Variants in ABLIM2 observed in about 807,000 individuals in gnomAD.
ABLIM2 encodes actin binding LIM protein family member 2.
In ABLIM2, 53 loss-of-function variants were observed where a neutral mutation model predicts 97.7. That is an observed-to-expected ratio of 0.54 (90% CI 0.44 to 0.68). The LOEUF is 0.68. Ranked by LOEUF, ABLIM2 falls within the 30% of genes least tolerant of loss-of-function variation. The pLI, the probability that ABLIM2 is intolerant of heterozygous loss-of-function variation, is 0.00. For missense variants in ABLIM2, 835 were observed against 867.2 expected (o/e 0.96, Z 0.47); for synonymous variants, 361 against 345.8 (o/e 1.04, Z -0.49).
chr4:8,025,212 G>A (rs1386103693), intron 12 of ABLIM2, among the ~76,000 whole-genome samples: 1 of 152,238 alleles, frequency 6.6e-6, no homozygotes, highest in Non-Finnish European at 1.5e-5. Context: ...ACAGGGGTGA[G>A]CCACCACGCC....
At chr4:8,029,601 AAAAAAGG>A (rs1227360798) in intron 11 of ABLIM2, 48 bp downstream of exon 11, 1 of 1,327,136 alleles carries the variant, frequency 7.5e-7, no homozygotes, top group African/African-American at 1.5e-5. Flanking sequence ...AAAAAAAAAA[AAAAAAGG>A]AAAAGGACAG....
intron 14 of ABLIM2, among the ~76,000 whole-genome samples, chr4:8,013,103 T>C (rs1398204113): frequency 6.6e-6 from 1 of 152,042 alleles, no homozygotes; most frequent in African/African-American, 2.4e-5. Flanking sequence ...AGAACTTTGA[T>C]GGGAGGAGCA....
intron 16 of ABLIM2, among the ~76,000 whole-genome samples, chr4:7,997,626 T>G (rs1487913206): frequency 1.3e-5 from 2 of 152,292 alleles, no homozygotes; most frequent in East Asian, 3.9e-4. Flanking sequence ...TTGGTGAGGC[T>G]TCCTTTTCAG....
Position 8,046,921 on chromosome 4 carries a change from C to G in ABLIM2, c.823-1680G>C, listed in dbSNP as rs538360123. The stretch of plus-strand genomic sequence containing the variant: ...AGGGAGAAACCACCCCAGCTAACCC[C>G]GTGATCTTGGCCTTTTGGGCTCCAG... On this transcript the variant is annotated intron_variant, in intron 8 of 20. Transcript: ENST00000447017. The surrounding 1 kb of genome is among the most constrained non-coding windows in gnomAD (Gnocchi z 4.4). Among the ~76,000 whole-genome samples, 1 of 152,166 alleles carries G rather than the reference C, an allele frequency of 6.6e-6. No homozygotes were observed. The highest frequency in any genetic ancestry group is 2.4e-5 in the African/African-American group (1 of 41,444).
chr4:8,018,590 A>G (rs983417970), intron 14 of ABLIM2, among the ~76,000 whole-genome samples: 1 of 152,208 alleles, frequency 6.6e-6, no homozygotes, highest in Non-Finnish European at 1.5e-5. Flanking sequence ...TGCACAAAGT[A>G]CAGGACCTAT....
rs149184745 is a variant in ABLIM2 at position 8,130,221 on chromosome 4, G to C, written c.11-23584C>G. Among the ~76,000 whole-genome samples the C allele has an allele frequency of 6.6e-6, 1 of 152,244 alleles. No homozygotes were observed. The highest frequency in any genetic ancestry group is 2.4e-5 in the African/African-American group (1 of 41,472). ...GATGGCTCACAGGGCCAGGGATGGA[G>C]ACGCAGGGTGGCCAGGGTGGTGCTG... On this transcript the variant is annotated intron_variant, in intron 1 of 20. Transcript: ENST00000447017. The surrounding 1 kb of genome is among the most constrained non-coding windows in gnomAD (Gnocchi z 4.2).
In ABLIM2 at chr4:8,038,647, G is replaced by C. The variant is rs536066501; in HGVS notation, c.901-2352C>G. On this transcript the variant is annotated intron_variant, in intron 9 of 20. Coordinates refer to ENST00000447017, the MANE Select transcript of ABLIM2 (RefSeq NM_001130083.2). ...GGGTTCTCCTGAGATGTTGGGTCTT[G>C]GGGTGAACCCTGACATTTGTGATAT... Among the ~76,000 whole-genome samples the C allele has an allele frequency of 3.3e-5, 5 of 152,262 alleles. No individual in the cohort carries two copies. The East Asian group carries it at 7.7e-4, about 24-fold the overall frequency.
intron 2 of ABLIM2, among the ~76,000 whole-genome samples, chr4:8,104,033 G>A (rs1442897780): frequency 6.6e-6 from 1 of 152,250 alleles, no homozygotes; most frequent in Non-Finnish European, 1.5e-5. Context: ...AAGCCCTAAT[G>A]AAAAGCATGA....
chr4:8,106,570 C>T lies in ABLIM2; in HGVS notation c.78G>A (p.Thr26=), dbSNP rs573766574. Residue 26 remains threonine, a synonymous_variant, in exon 2 of 21, where the codon ACG becomes ACA. Transcript: ENST00000447017. ...CCTCGCCCTTGCACACATTCCCACA[C>T]GTGTTGCACAGGATCGCCGTGCTGG... ...KSPSTAILCN[T]CGNVCKGEVL... 253 of 1,610,696 alleles carry T rather than the reference C, an allele frequency of 1.6e-4. 3 individuals are homozygous for T. The South Asian group carries it at 1.9e-3, about 12-fold the overall frequency.
rs946514477 is a variant in ABLIM2, at chr4:7,986,242, C to T, written c.1681-1349G>A. 8.5e-5 allele frequency among the ~76,000 whole-genome samples: 13 copies of T among 152,172 alleles called. No individual in the cohort carries two copies. Among genetic ancestry groups the T allele is most frequent in the Admixed American group, 6.5e-4 (10 of 15,280 alleles). On this transcript the variant is annotated intron_variant, in intron 17 of 20. Coordinates refer to ENST00000447017, the MANE Select transcript of ABLIM2 (RefSeq NM_001130083.2). This position sits in a 1 kb window ranked among gnomAD's most constrained non-coding sequence, Gnocchi z 4.3. ...GTCACAGGGCAAAGTGTTTTCAACGCGAGCTTTGCAGTAGGAAATCAGTGA... is the reference window on the plus strand; with the variant it reads ...GTCACAGGGCAAAGTGTTTTCAACGTGAGCTTTGCAGTAGGAAATCAGTGA...
chr4:8,156,640 T>G (rs963336720), intron 1 of ABLIM2, among the ~76,000 whole-genome samples: 4 of 152,232 alleles, frequency 2.6e-5, no homozygotes, highest in Non-Finnish European at 5.9e-5. Flanking sequence ...TTCGGCCCAT[T>G]TGGGCAGCTG....
At chr4:8,056,306 T>TTTC (rs1023577958) in intron 7 of ABLIM2, among the ~76,000 whole-genome samples, 4 of 62,194 alleles carry the variant, frequency 6.4e-5, no homozygotes, top group African/African-American at 3.0e-4. Context: ...TCTTTCTTTC[T>TTTC]TTTTTTTTTT....
intron 1 of ABLIM2, among the ~76,000 whole-genome samples, chr4:8,145,740 ACT>A (rs1851677203): frequency 8.3e-6 from 1 of 121,100 alleles, no homozygotes; most frequent in South Asian, 2.9e-4. Context: ...CAGACTACAC[ACT>A]CATACACACA....
intron 15 of ABLIM2, among the ~76,000 whole-genome samples, chr4:8,008,488 G>A (rs1020639418): frequency 3.3e-5 from 5 of 152,226 alleles, no homozygotes; most frequent in Non-Finnish European, 7.3e-5. Context: ...GGCTCTGCAC[G>A]GGGAGAATGA....
intron 9 of ABLIM2, among the ~76,000 whole-genome samples, chr4:8,042,389 C>T (rs1789293045): frequency 6.6e-6 from 1 of 152,198 alleles, no homozygotes; most frequent in Non-Finnish European, 1.5e-5. Context: ...CTAAGACCCC[C>T]TGTGCCCTAT....
chr4:7,966,942 C>G lies in ABLIM2; in HGVS notation c.*48G>C. The G allele has an allele frequency of 7.9e-7, 1 of 1,269,850 alleles. No homozygotes were observed. Among genetic ancestry groups the G allele is most frequent in the Non-Finnish European group, 1.1e-6 (1 of 938,080 alleles). 78.7% of individuals were successfully genotyped at this position (1,269,850 alleles called of 1,614,324 possible). A position where few individuals can be genotyped will look rare whatever the true frequency, so the allele number is the denominator to read the frequency against. On this transcript the variant is annotated 3_prime_UTR_variant, in exon 21 of 21. Transcript: ENST00000447017. ...GGTGTGTGCGGTTCTCGCCAGGGGC[C>G]CCTGGCCTCGGCGCCCGGCACACAC... is the stretch of plus-strand genomic sequence containing the variant.
intron 12 of ABLIM2, among the ~76,000 whole-genome samples, chr4:8,025,615 C>T (rs73092338): frequency 0.029 from 4,339 of 152,232 alleles, 205 homozygotes; most frequent in African/African-American, 0.097. Context: ...AAGAATTAGA[C>T]GGTGGACACT....
At chr4:8,039,189 G>A (rs1461302856) in intron 9 of ABLIM2, among the ~76,000 whole-genome samples, 1 of 152,196 alleles carries the variant, frequency 6.6e-6, no homozygotes, top group African/African-American at 2.4e-5. Context: ...AGCCAATCAA[G>A]CATTTGCAAA....
Position 8,000,978 on chromosome 4 carries a change from G to A in ABLIM2, c.1618+7081C>T, listed in dbSNP as rs568317910. On this transcript the variant is annotated intron_variant, in intron 16 of 20. Coordinates refer to ENST00000447017, the MANE Select transcript of ABLIM2 (RefSeq NM_001130083.2). ...GAGGACTGTGGCTCACACAGCGTCCGGGTCTGCTTTGTGGGCACCTGACCC... is the reference window on the plus strand; with the variant it reads ...GAGGACTGTGGCTCACACAGCGTCCAGGTCTGCTTTGTGGGCACCTGACCC... 1.2e-4 allele frequency among the ~76,000 whole-genome samples: 18 copies of A among 152,332 alleles called. No homozygotes were observed. The East Asian group carries it at 1.4e-3, about 11-fold the overall frequency.
Sources: allele counts gnomAD v4.1 joint callset (sites outside exome capture counted in the v4.1 genomes callset), GRCh38; gene constraint gnomAD v4.1.1; non-coding constraint Gnocchi (gnomAD v3.1); transcripts MANE v1.5; gene names NCBI Gene and HGNC (gene_info 2026-07-23, HGNC 2026-07-21).